The following TM4SF4 variants were observed in gnomAD, a reference collection of about 807,000 sequenced individuals.
TM4SF4 encodes the protein transmembrane 4 L six family member 4, also known as transmembrane 4 L6 family member 4.
TM4SF4 carries 24 observed loss-of-function variants against 24.1 expected under a neutral mutation model. That is an observed-to-expected ratio of 1.00 (90% CI 0.72 to 1.40). The LOEUF (loss-of-function observed/expected upper bound fraction) is 1.40, where lower values mean the gene tolerates loss of function less well. TM4SF4 is among the 40% of genes most tolerant of loss of function. The pLI is 0.00. For missense variants in TM4SF4, 254 were observed against 254.2 expected (o/e 1.00, Z 0.01); for synonymous variants, 113 against 97.0 (o/e 1.17, Z -0.97).
chr3:149,492,066 T>A (rs9857136), intron 3 of TM4SF4, among the ~76,000 whole-genome samples: 45,298 of 151,996 alleles, frequency 0.3, 8,341 homozygotes, highest in Non-Finnish European at 0.42. Context: ...GGAAAGTGAA[T>A]AGGAGGATTC....
intron 2 of TM4SF4, among the ~76,000 whole-genome samples, chr3:149,482,764 G>T (rs1386147479): frequency 1.3e-5 from 2 of 152,074 alleles, no homozygotes; most frequent in Non-Finnish European, 2.9e-5. Flanking sequence ...GGCTGGTCTC[G>T]AACTCCTGGG....
At chr3:149,495,115 G>T (rs925054018) in intron 3 of TM4SF4, 21 of 264,436 alleles carry the variant, frequency 7.9e-5, no homozygotes, top group Non-Finnish European at 9.0e-5. Flanking sequence ...GGATTCCACA[G>T]AGCCCCTCTA....
chr3:149,498,693 G>C (rs370798442), intron 3 of TM4SF4, 29 bp from the exon 4 acceptor site: 1 of 1,605,530 alleles, frequency 6.2e-7, no homozygotes, highest in Non-Finnish European at 8.5e-7. Context: ...TTTTACAAAT[G>C]TTTCCTTTGT....
At chr3:149,487,594 G>A (rs1461257021) in intron 2 of TM4SF4, 25 bp from the exon 3 acceptor site, 1 of 1,613,582 alleles carries the variant, frequency 6.2e-7, no homozygotes, top group African/African-American at 1.3e-5. Flanking sequence ...TGGAGAATGT[G>A]ACTGTCTCTC....
At chr3:149,493,597 G>A (rs1300065121) in intron 3 of TM4SF4, among the ~76,000 whole-genome samples, 1 of 152,224 alleles carries the variant, frequency 6.6e-6, no homozygotes, top group Non-Finnish European at 1.5e-5. Context: ...AGCTAGCCCA[G>A]AGCCTGGCAC....
chr3:149,480,722 A>G (rs1459534666), intron 2 of TM4SF4, among the ~76,000 whole-genome samples: 1 of 152,192 alleles, frequency 6.6e-6, no homozygotes, highest in Non-Finnish European at 1.5e-5. Flanking sequence ...TATTTTAGAA[A>G]GACATTTCCT....
At chr3:149,489,475 C>CA (rs746452296) in intron 3 of TM4SF4, among the ~76,000 whole-genome samples, 41 of 152,166 alleles carry the variant, frequency 2.7e-4, no homozygotes, top group Non-Finnish European at 4.3e-4. Context: ...AAACAGATGC[C>CA]AAAAAACACT....
chr3:149,479,526 A>C (rs560239490), intron 2 of TM4SF4, among the ~76,000 whole-genome samples: 19 of 152,068 alleles, frequency 1.2e-4, no homozygotes, highest in African/African-American at 4.6e-4. Context: ...ATTTCTCCAA[A>C]ATGAGGTATT....
rs938768968 is a variant in TM4SF4, at chr3:149,498,731, CAAT to C, written c.412_414del (p.Asn138del). ...CCTATATCACCAACAGGGATTATCT[CAAT>C]GATGAGGCCTTATGGAACAAGTGCC... On this transcript the variant is annotated inframe_deletion, in exon 4 of 5. Transcript: ENST00000305354. 3.1e-6 allele frequency: 5 copies of C among 1,613,800 alleles called. No individual in the cohort carries two copies. The highest frequency in any genetic ancestry group is 1.3e-5 in the African/African-American group (1 of 74,926).
In TM4SF4 at chr3:149,474,889, G is replaced by C; in HGVS notation, c.12G>C (p.Gly4=). The change falls in exon 1 of 5, where the codon GGG becomes GGC. Residue 4 remains glycine (G), a synonymous_variant. Coordinates refer to ENST00000305354, the MANE Select transcript of TM4SF4 (RefSeq NM_004617.4). MCT[G]GCARCLGGTL... ...CGTACCACCCCAGAATGTGCACTGG[G>C]GGCTGTGCCAGATGCCTGGGGGGGA... The C allele has an allele frequency of 6.2e-7, 1 of 1,613,286 alleles. No homozygotes were observed.
At chr3:149,492,546 A>C (rs573214458) in intron 3 of TM4SF4, among the ~76,000 whole-genome samples, 13 of 152,122 alleles carry the variant, frequency 8.5e-5, no homozygotes, top group Non-Finnish European at 1.5e-4. Flanking sequence ...CAGCCTGCAC[A>C]GGGTGTGGGG....
chr3:149,487,798 C>T (rs746013198), intron 3 of TM4SF4, 43 bp downstream of exon 3: 10 of 1,603,098 alleles, frequency 6.2e-6, no homozygotes, highest in Admixed American at 3.4e-5. Flanking sequence ...CCACAAGGGG[C>T]ATGGGCAGAT....
At chr3:149,478,204 G>C (rs1733969730) in intron 2 of TM4SF4, among the ~76,000 whole-genome samples, 1 of 152,242 alleles carries the variant, frequency 6.6e-6, no homozygotes, top group African/African-American at 2.4e-5. Flanking sequence ...GGAGCGCAAT[G>C]GCGCGATCTC....
intron 3 of TM4SF4, among the ~76,000 whole-genome samples, chr3:149,488,464 T>G (rs1326778598): frequency 6.6e-6 from 1 of 152,200 alleles, no homozygotes; most frequent in Non-Finnish European, 1.5e-5. Context: ...ACTTCTGACT[T>G]CAAGTCTTAG....
chr3:149,499,513 T>C (rs149830588), intron 4 of TM4SF4, among the ~76,000 whole-genome samples: 4,381 of 152,286 alleles, frequency 0.029, 75 homozygotes, highest in Middle Eastern at 0.065. Context: ...GACAGTCTGA[T>C]TATTTCAACT....
chr3:149,501,340 C>T (rs1055186316), intron 4 of TM4SF4, among the ~76,000 whole-genome samples: 5 of 152,102 alleles, frequency 3.3e-5, no homozygotes, highest in African/African-American at 1.2e-4. Flanking sequence ...TTCTTCCTCC[C>T]TCCCTTCATC....
chr3:149,493,356 A>G (rs1734250308), intron 3 of TM4SF4, among the ~76,000 whole-genome samples: 1 of 152,216 alleles, frequency 6.6e-6, no homozygotes, highest in South Asian at 2.1e-4. Context: ...TGCTAAGGAA[A>G]TAACTACTCC....
At chr3:149,487,969 C>G (rs533479387) in intron 3 of TM4SF4, among the ~76,000 whole-genome samples, 3 of 152,324 alleles carry the variant, frequency 2.0e-5, no homozygotes, top group African/African-American at 7.2e-5. Flanking sequence ...GGAGAAATAA[C>G]TAAAAGAGGA....
At chr3:149,486,957 T>C (rs1734126702) in intron 2 of TM4SF4, among the ~76,000 whole-genome samples, 1 of 152,138 alleles carries the variant, frequency 6.6e-6, no homozygotes, top group African/African-American at 2.4e-5. Flanking sequence ...ACCAGAAAAC[T>C]TAAGATTACT....
Sources: allele counts gnomAD v4.1 joint callset (sites outside exome capture counted in the v4.1 genomes callset), GRCh38; gene constraint gnomAD v4.1.1; transcripts MANE v1.5; gene names NCBI Gene and HGNC (gene_info 2026-07-23, HGNC 2026-07-21).